Variants in P2RX7 observed in about 807,000 individuals in gnomAD.
P2RX7 encodes purinergic receptor P2X 7.
A neutral mutation model predicts 71.6 loss-of-function variants in P2RX7; 62 were observed. That is an observed-to-expected ratio of 0.87 (90% CI 0.71 to 1.07). The LOEUF (loss-of-function observed/expected upper bound fraction) is 1.07, where lower values mean the gene tolerates loss of function less well. Ranked by LOEUF, P2RX7 falls within the 50% of genes least tolerant of loss-of-function variation. The pLI is 0.00. For missense variants in P2RX7, 686 were observed against 748.5 expected (o/e 0.92, Z 0.97); for synonymous variants, 299 against 283.3 (o/e 1.06, Z -0.56).
intron 8 of P2RX7, among the ~76,000 whole-genome samples, chr12:121,167,902 T>C (rs1881437344): frequency 6.6e-6 from 1 of 151,558 alleles, no homozygotes; most frequent in South Asian, 2.1e-4. Flanking sequence ...AACTTCCGCC[T>C]CCCAGGTTCA....
rs57873643 is a variant in P2RX7 at position 121,182,061 on chromosome 12, TA to T, written c.1290+1624del. Among the ~76,000 whole-genome samples, 1,068 of 128,890 alleles carry T rather than the reference TA, an allele frequency of 8.3e-3. 3 individuals are homozygous for T. The highest frequency in any genetic ancestry group is 0.01 in the Non-Finnish European group (611 of 60,538). The allele number at this position is 128,890 out of a possible 152,430, so 84.6% of individuals were successfully genotyped here. On this transcript the variant is annotated intron_variant, in intron 12 of 12. Coordinates refer to ENST00000328963, the MANE Select transcript of P2RX7 (RefSeq NM_002562.6). ...CCTGGGCAACAGAACAAGCTCCATC[TA>T]AAAAAAAAAAAAAAAAAGTCTTTTC...
In P2RX7 at chr12:121,154,036, C is replaced by G. The variant is rs1878049404; in HGVS notation, c.126-749C>G. 6.6e-6 allele frequency among the ~76,000 whole-genome samples: 1 copy of G among 151,844 alleles called. No individual in the cohort carries two copies. Among genetic ancestry groups the G allele is most frequent in the Admixed American group, 6.6e-5 (1 of 15,240 alleles). ...ACTCAGGAGGCTGAGGTGGGAGGATCAACTTGAGCTCGGGAGTTGGAGGCT... is the reference window on the plus strand; with the variant it reads ...ACTCAGGAGGCTGAGGTGGGAGGATGAACTTGAGCTCGGGAGTTGGAGGCT... On this transcript the variant is annotated intron_variant, in intron 1 of 12. Coordinates refer to ENST00000328963, the MANE Select transcript of P2RX7 (RefSeq NM_002562.6). This position sits in a 1 kb window ranked among gnomAD's most constrained non-coding sequence, Gnocchi z 4.2.
chr12:121,187,961 C>T lies in P2RX7; in HGVS notation c.*3159C>T, dbSNP rs1885033892. On this transcript the variant is annotated 3_prime_UTR_variant, in exon 13 of 13. Transcript: ENST00000328963. Reference sequence around the variant, plus strand: ...AGGGGAGTAACTTTTTAAACCCTTCCTGATTTTAGCCTGGCAATGTAAGTG... The same window carrying T: ...AGGGGAGTAACTTTTTAAACCCTTCTTGATTTTAGCCTGGCAATGTAAGTG... The T allele has an allele frequency of 6.6e-6, 1 of 152,052 alleles. No individual in the cohort carries two copies. Among genetic ancestry groups the T allele is most frequent in the Non-Finnish European group, 1.5e-5 (1 of 68,028 alleles). 9.4% of individuals were successfully genotyped at this position (152,052 alleles called of 1,614,324 possible).
At chr12:121,178,952 A>G (rs1163953458) in intron 11 of P2RX7, among the ~76,000 whole-genome samples, 1 of 152,096 alleles carries the variant, frequency 6.6e-6, no homozygotes, top group Admixed American at 6.6e-5. Context: ...TATTTTCTGC[A>G]TGTATATTCT....
intron 8 of P2RX7, among the ~76,000 whole-genome samples, chr12:121,170,535 G>A (rs1222698802): frequency 2.0e-5 from 3 of 152,210 alleles, no homozygotes; most frequent in Admixed American, 2.0e-4. Flanking sequence ...AACACTTTGG[G>A]AGGCCGAAGC....
Position 121,180,475 on chromosome 12 carries a change from C to CT in P2RX7, c.1290+34dup, listed in dbSNP as rs112146943. ...GTCCCAGTAAGTTAAATCATTTTGTCTTTTTTTTTTTTTTAAGAAAATTTA... is the reference window on the plus strand; with the variant it reads ...GTCCCAGTAAGTTAAATCATTTTGTCTTTTTTTTTTTTTTTAAGAAAATTTA... On this transcript the variant is annotated intron_variant, in intron 12 of 12. Transcript: ENST00000328963. 47,577 of 985,290 alleles carry CT rather than the reference C, an allele frequency of 0.048. No individual in the cohort carries two copies. Among genetic ancestry groups the CT allele is most frequent in the East Asian group, 0.075 (2,480 of 33,088 alleles). The allele number at this position is 985,290 out of a possible 1,614,324, so 61.0% of individuals were successfully genotyped here.
At chr12:121,159,703 G>A (rs1879261126) in intron 3 of P2RX7, among the ~76,000 whole-genome samples, 3 of 152,158 alleles carry the variant, frequency 2.0e-5, no homozygotes, top group Admixed American at 1.3e-4. Context: ...GCATAAACCA[G>A]GGCAGCTCAT....
At chr12:121,170,202 A>C (rs1315499115) in intron 8 of P2RX7, among the ~76,000 whole-genome samples, 5 of 152,148 alleles carry the variant, frequency 3.3e-5, no homozygotes, top group Non-Finnish European at 7.3e-5. Context: ...GAATAGGCTT[A>C]TGGCCATTAA....
chr12:121,177,685 G>GTCAT (rs1245053621), intron 11 of P2RX7, among the ~76,000 whole-genome samples: 3 of 139,810 alleles, frequency 2.1e-5, no homozygotes, highest in South Asian at 2.3e-4. Context: ...TGCCAATTTT[G>GTCAT]TCATTTATTT....
chr12:121,138,689 A>G (rs558495363), intron 1 of P2RX7, among the ~76,000 whole-genome samples: 1 of 152,364 alleles, frequency 6.6e-6, no homozygotes, highest in Non-Finnish European at 1.5e-5. Flanking sequence ...AGGGATTTCT[A>G]AGTGTACCTC....
rs1884690319 is a variant in P2RX7, at chr12:121,184,709, C to G, written c.1695C>G (p.Asp565Glu). ...TWRFGSQDMA[D>E]FAILPSCCRW... is the part of the protein sequence containing the mutation. ...GCTTCGGCTCCCAGGACATGGCTGA[C>G]TTTGCCATCCTGCCCAGCTGCTGCC... The change falls in exon 13 of 13, where the codon GAC becomes GAG. Residue 565 changes from aspartate to glutamate, a missense_variant. Asp to Glu is a conservative substitution (Grantham distance 45, BLOSUM62 2). Coordinates refer to ENST00000328963, the MANE Select transcript of P2RX7 (RefSeq NM_002562.6). 6.4e-7 allele frequency: 1 copy of G among 1,564,950 alleles called. No homozygotes were observed. The highest frequency in any genetic ancestry group is 8.7e-7 in the Non-Finnish European group (1 of 1,154,498).
chr12:121,134,365 G>A (rs1401732789), intron 1 of P2RX7, among the ~76,000 whole-genome samples: 5 of 152,072 alleles, frequency 3.3e-5, no homozygotes, highest in Admixed American at 1.3e-4. Flanking sequence ...GCTTGTTATC[G>A]TCTGTCTTTT....
At position 121,167,641 on chromosome 12, in the gene P2RX7, G is replaced by A. The variant is rs373386395; in HGVS notation, c.881+17G>A. 4 of 1,519,228 alleles carry A rather than the reference G, an allele frequency of 2.6e-6. No individual in the cohort carries two copies. Among genetic ancestry groups the A allele is most frequent in the Middle Eastern group, 1.8e-4 (1 of 5,690 alleles). 94.1% of individuals were successfully genotyped at this position (1,519,228 alleles called of 1,614,324 possible). A position where few individuals can be genotyped will look rare whatever the true frequency, so the allele number is the denominator to read the frequency against. On this transcript the variant is annotated intron_variant, in intron 8 of 12. Coordinates refer to ENST00000328963, the MANE Select transcript of P2RX7 (RefSeq NM_002562.6). ...CAACTTCAGGTAACTCCAAGGCCCA[G>A]GTCAAACTCACCCAGTGGCTGAATC... is the stretch of plus-strand genomic sequence containing the variant.
At chr12:121,136,433 C>T (rs1873679081) in intron 1 of P2RX7, among the ~76,000 whole-genome samples, 1 of 151,754 alleles carries the variant, frequency 6.6e-6, no homozygotes, top group Non-Finnish European at 1.5e-5. Context: ...ATCCTCCCGC[C>T]TCATCCTCCC....
At chr12:121,169,557 C>G (rs1447664409) in intron 8 of P2RX7, among the ~76,000 whole-genome samples, 1 of 152,068 alleles carries the variant, frequency 6.6e-6, no homozygotes, top group African/African-American at 2.4e-5. Context: ...GCAGGCAGCC[C>G]CTTAAATGTG....
chr12:121,136,919 G>C (rs1174629934), intron 1 of P2RX7, among the ~76,000 whole-genome samples: 1 of 152,090 alleles, frequency 6.6e-6, no homozygotes, highest in Non-Finnish European at 1.5e-5. Context: ...AAAGTGCTGG[G>C]ATTACAGGTG....
intron 8 of P2RX7, 35 bp from the exon 9 acceptor site, chr12:121,175,353 G>C: frequency 7.4e-7 from 1 of 1,349,204 alleles, no homozygotes; most frequent in Non-Finnish European, 1.0e-6. Flanking sequence ...ACTTTCAAAG[G>C]GATCTTACAA....
chr12:121,185,859 C>A lies in P2RX7; in HGVS notation c.*1057C>A, dbSNP rs1884834109. 1 of 152,044 alleles carries A rather than the reference C, an allele frequency of 6.6e-6. No homozygotes were observed. Among genetic ancestry groups the A allele is most frequent in the African/African-American group, 2.4e-5 (1 of 41,362 alleles). 9.4% of individuals were successfully genotyped at this position (152,044 alleles called of 1,614,324 possible). A position where few individuals can be genotyped will look rare whatever the true frequency, so the allele number is the denominator to read the frequency against. On this transcript the variant is annotated 3_prime_UTR_variant, in exon 13 of 13. Transcript: ENST00000328963. ...TCACTTAAAGTCAGGAGTCCAAGACCAGACTCGCCAACATGGTGAAACCGT... is the reference window on the plus strand; with the variant it reads ...TCACTTAAAGTCAGGAGTCCAAGACAAGACTCGCCAACATGGTGAAACCGT...
At chr12:121,168,280 C>CTTTTCTTTTCTTTTCTTTTCT (rs71453539) in intron 8 of P2RX7, among the ~76,000 whole-genome samples, 1 of 143,340 alleles carries the variant, frequency 7.0e-6, no homozygotes, top group African/African-American at 2.6e-5. Context: ...CTTTTCTTTT[C>CTTTTCTTTTCTTTTCTTTTCT]TTTTTTTTTT....
Sources: gnomAD v4.1 joint callset for allele counts (sites outside exome capture counted in the v4.1 genomes callset) on GRCh38, gnomAD v4.1.1 for gene constraint, Gnocchi (gnomAD v3.1) non-coding constraint, MANE v1.5 for transcripts, NCBI Gene and HGNC (gene_info 2026-07-23, HGNC 2026-07-21) for gene names.